Variants in IFT88 observed in about 807,000 individuals in gnomAD.
IFT88 encodes the protein intraflagellar transport protein 88 homolog.
A neutral mutation model predicts 119.5 loss-of-function variants in IFT88; 74 were observed. That is an observed-to-expected ratio of 0.62 (90% CI 0.51 to 0.75). The LOEUF is 0.75. Ranked by LOEUF, IFT88 falls within the 30% of genes least tolerant of loss-of-function variation. The pLI is 0.00. For synonymous variants in IFT88, 279 were observed against 316.7 expected (o/e 0.88, Z 1.26); for missense variants, 961 against 977.7 (o/e 0.98, Z 0.23).
chr13:20,575,334 T>C (rs2037173474), intron 2 of IFT88, among the ~76,000 whole-genome samples: 1 of 152,220 alleles, frequency 6.6e-6, no homozygotes, highest in African/African-American at 2.4e-5. Context: ...TATATGTACA[T>C]TTTCTTTATC....
chr13:20,633,351 C>A (rs963694189), intron 16 of IFT88, among the ~76,000 whole-genome samples: 6 of 151,976 alleles, frequency 3.9e-5, no homozygotes, highest in African/African-American at 1.4e-4. Context: ...GCCTTTGTAC[C>A]CCCACCCCAG....
chr13:20,575,067 T>G (rs1566045593), intron 2 of IFT88, among the ~76,000 whole-genome samples: 1 of 10,658 alleles, frequency 9.4e-5, no homozygotes, highest in South Asian at 0.01. Flanking sequence ...TTCTTTTTGT[T>G]TTTTTTTTTG....
At position 20,577,162 on chromosome 13, in the gene IFT88, A is replaced by G. The variant is rs536634972; in HGVS notation, c.90+2687A>G. On this transcript the variant is annotated intron_variant, in intron 2 of 25. Coordinates refer to ENST00000351808, the MANE Select transcript of IFT88 (RefSeq NM_006531.5). ...ATTACTTTCGTGATTTATTTTCCAG[A>G]TTGTTCACTTTTGACATATAGAAAT... 5.3e-5 allele frequency among the ~76,000 whole-genome samples: 8 copies of G among 152,246 alleles called. No individual in the cohort carries two copies. In the East Asian group the frequency reaches 1.5e-3, roughly 29 times the overall value.
intron 2 of IFT88, 61 bp downstream of exon 2, chr13:20,574,536 G>C: frequency 1.2e-6 from 1 of 847,442 alleles, no homozygotes; most frequent in Non-Finnish European, 1.9e-6. Flanking sequence ...TATGAAGACT[G>C]TGGATTTGAG....
chr13:20,684,459 C>G (rs1373093016), intron 24 of IFT88, among the ~76,000 whole-genome samples: 2 of 152,220 alleles, frequency 1.3e-5, no homozygotes, highest in Non-Finnish European at 1.5e-5. Context: ...CCTTCTTCCT[C>G]TGATTCCTCC....
Position 20,597,043 on chromosome 13 carries a change from G to GA in IFT88, c.522dup (p.Glu175ArgfsTer36). The GA allele has an allele frequency of 1.2e-6, 2 of 1,606,246 alleles. No individual in the cohort carries two copies. The highest frequency in any genetic ancestry group is 1.7e-6 in the Non-Finnish European group (2 of 1,176,400). ...TTAGAAAAGGCAAAAGATGCAGGAA[G>GA]AAAAGAGAGAGTCCTGGTGAGACAG... On this transcript the variant is annotated frameshift_variant, in exon 9 of 26. Coordinates refer to ENST00000351808, the MANE Select transcript of IFT88 (RefSeq NM_006531.5). LOFTEE classifies it high-confidence loss of function.
intron 14 of IFT88, among the ~76,000 whole-genome samples, chr13:20,619,724 TG>T (rs1287778826): frequency 1.3e-5 from 2 of 152,148 alleles, no homozygotes; most frequent in Non-Finnish European, 2.9e-5. Context: ...CCGATATTTC[TG>T]TTAGATACAT....
chr13:20,602,019 C>T, intron 12 of IFT88, 86 bp downstream of exon 12: 1 of 740,088 alleles, frequency 1.4e-6, no homozygotes, highest in Non-Finnish European at 2.3e-6. Flanking sequence ...GAATAGATGA[C>T]TTCTTGGGTT....
chr13:20,601,653 C>T, intron 11 of IFT88, 52 bp from the exon 12 acceptor site: 1 of 1,163,008 alleles, frequency 8.6e-7, no homozygotes, highest in Non-Finnish European at 1.2e-6. Flanking sequence ...GGTTTGAATG[C>T]CATACTAAAG....
chr13:20,690,878 C>T (rs554873775), intron 25 of IFT88, 63 bp downstream of exon 25: 1 of 1,399,152 alleles, frequency 7.1e-7, no homozygotes, highest in African/African-American at 1.4e-5. Context: ...GTGAGATGGC[C>T]AAAAGGTGTT....
intron 3 of IFT88, among the ~76,000 whole-genome samples, chr13:20,588,720 T>C (rs2040155780): frequency 6.6e-6 from 1 of 152,230 alleles, no homozygotes; most frequent in South Asian, 2.1e-4. Context: ...AGCACAGTGC[T>C]AGAGGATCTT....
Position 20,625,844 on chromosome 13 carries a change from A to C in IFT88, c.1294A>C (p.Asn432His). The change falls in exon 15 of 26, where the codon AAC becomes CAC. Residue 432 changes from asparagine to histidine, a missense_variant. Transcript: ENST00000351808. The part of the protein sequence containing the change: ...AVTYLRQKDY[N>H]QAVEILKVLE... ...TACATACTTGAGACAAAAAGACTAT[A>C]ACCAAGTAAGTTTTAAAAAAAATTT... 1 of 1,576,320 alleles carries C rather than the reference A, an allele frequency of 6.3e-7. No individual in the cohort carries two copies. The highest frequency in any genetic ancestry group is 1.2e-5 in the South Asian group (1 of 84,580).
At chr13:20,679,435 G>A (rs2057070785) in intron 24 of IFT88, among the ~76,000 whole-genome samples, 1 of 152,208 alleles carries the variant, frequency 6.6e-6, no homozygotes, top group East Asian at 1.9e-4. Context: ...AACGCCGAGA[G>A]TGCCTCAAAA....
chr13:20,672,187 T>G (rs1223571090), intron 24 of IFT88, among the ~76,000 whole-genome samples: 2 of 152,114 alleles, frequency 1.3e-5, no homozygotes, highest in Non-Finnish European at 2.9e-5. Flanking sequence ...CAAGGAGTCT[T>G]CGTCCCAATT....
intron 20 of IFT88, among the ~76,000 whole-genome samples, chr13:20,653,155 A>G (rs894721079): frequency 2.6e-5 from 4 of 152,180 alleles, no homozygotes; most frequent in African/African-American, 7.2e-5. Flanking sequence ...TTTGAAGTTA[A>G]GTAACTTGCC....
intron 7 of IFT88, among the ~76,000 whole-genome samples, chr13:20,594,269 C>A (rs188338686): frequency 1.3e-5 from 2 of 152,216 alleles, no homozygotes; most frequent in Admixed American, 1.3e-4. Flanking sequence ...AGTTCAAAAT[C>A]TCCATGTAAC....
At chr13:20,595,600 C>T (rs2041511876) in intron 7 of IFT88, among the ~76,000 whole-genome samples, 1 of 151,752 alleles carries the variant, frequency 6.6e-6, no homozygotes, top group Non-Finnish European at 1.5e-5. Flanking sequence ...ATGTTACCTA[C>T]CTTGACTGTT....
intron 20 of IFT88, among the ~76,000 whole-genome samples, chr13:20,650,974 T>C (rs558332767): frequency 6.6e-6 from 1 of 152,254 alleles, no homozygotes; most frequent in Admixed American, 6.5e-5. Flanking sequence ...TGGAAATCAA[T>C]TTACCATATA....
chr13:20,663,022 A>G (rs1168474816), intron 22 of IFT88, among the ~76,000 whole-genome samples: 9 of 152,222 alleles, frequency 5.9e-5, no homozygotes, highest in Admixed American at 3.9e-4. Flanking sequence ...ACTGTAAAAT[A>G]CATCTTTTTT....
Sources: gnomAD v4.1 joint callset for allele counts (sites outside exome capture counted in the v4.1 genomes callset) on GRCh38, gnomAD v4.1.1 for gene constraint, MANE v1.5 for transcripts, NCBI Gene and HGNC (gene_info 2026-07-23, HGNC 2026-07-21) for gene names.